Variants in AFG1L observed in about 807,000 individuals in gnomAD.
AFG1L encodes AFG1 like ATPase.
Under a neutral mutation model 62.2 loss-of-function variants are expected in AFG1L, and 53 were observed. That is an observed-to-expected ratio of 0.85 (90% CI 0.68 to 1.07). The LOEUF is 1.07. AFG1L is among the 50% of genes least tolerant of loss of function. The probability of loss-of-function intolerance (pLI) is 0.00; values close to 1 mark genes in which losing one functional copy is unlikely to be tolerated. For missense variants in AFG1L, 555 were observed against 590.5 expected, an observed-to-expected ratio of 0.94 and a Z score of 0.62; for synonymous variants, 228 against 210.3, an observed-to-expected ratio of 1.08 and a Z score of -0.73.
At chr6:108,333,869 A>G (rs1188589525) in intron 2 of AFG1L, among the ~76,000 whole-genome samples, 1 of 152,224 alleles carries the variant, frequency 6.6e-6, no homozygotes, top group Non-Finnish European at 1.5e-5. Flanking sequence ...ATGTCAACAT[A>G]GAAAGATTTG....
chr6:108,422,555 A>G (rs148253278), intron 7 of AFG1L, among the ~76,000 whole-genome samples: 20 of 148,610 alleles, frequency 1.3e-4, no homozygotes, highest in African/African-American at 4.5e-4. Context: ...TTGTTGGGGG[A>G]AGGAGGTGCT....
At chr6:108,342,489 A>G (rs968349116) in intron 2 of AFG1L, among the ~76,000 whole-genome samples, 1 of 152,202 alleles carries the variant, frequency 6.6e-6, no homozygotes, top group African/African-American at 2.4e-5. Flanking sequence ...AGGGACAGCC[A>G]TTTTGAAGAA....
At chr6:108,369,907 G>A (rs1043472985) in intron 6 of AFG1L, among the ~76,000 whole-genome samples, 1 of 151,942 alleles carries the variant, frequency 6.6e-6, no homozygotes, top group East Asian at 1.9e-4. Context: ...ACTGCACCCA[G>A]CCCCAGATTG....
chr6:108,442,961 G>A (rs985778842), intron 7 of AFG1L, among the ~76,000 whole-genome samples: 3 of 152,188 alleles, frequency 2.0e-5, no homozygotes, highest in Admixed American at 6.5e-5. Flanking sequence ...ACAGCCCTCA[G>A]CCCTTGCGTA....
intron 7 of AFG1L, among the ~76,000 whole-genome samples, chr6:108,433,342 C>G (rs929980019): frequency 1.3e-5 from 2 of 151,892 alleles, no homozygotes; most frequent in African/African-American, 4.8e-5. Flanking sequence ...TGCAGTGGCG[C>G]GACTTCAGCT....
intron 8 of AFG1L, among the ~76,000 whole-genome samples, chr6:108,475,269 C>A (rs1055842322): frequency 1.3e-5 from 2 of 152,160 alleles, no homozygotes; most frequent in Admixed American, 6.5e-5. Context: ...GGTACCAGTA[C>A]CAGGCTGTTT....
At chr6:108,461,619 C>T (rs1434382733) in intron 8 of AFG1L, among the ~76,000 whole-genome samples, 1 of 152,054 alleles carries the variant, frequency 6.6e-6, no homozygotes, top group Non-Finnish European at 1.5e-5. Context: ...CTATGCCTGG[C>T]TAATTTTTGT....
chr6:108,348,299 C>T (rs1347631974), intron 3 of AFG1L, among the ~76,000 whole-genome samples: 2 of 152,176 alleles, frequency 1.3e-5, no homozygotes, highest in Admixed American at 6.5e-5. Context: ...AGGATGGCCT[C>T]GATCTCCTGA....
chr6:108,314,046 C>A (rs1050772764), intron 1 of AFG1L, among the ~76,000 whole-genome samples: 1 of 151,924 alleles, frequency 6.6e-6, no homozygotes, highest in African/African-American at 2.4e-5. Context: ...CAGACCATGG[C>A]CAACATGACC....
chr6:108,429,066 C>G (rs1770950337), intron 7 of AFG1L, among the ~76,000 whole-genome samples: 1 of 152,120 alleles, frequency 6.6e-6, no homozygotes, highest in Non-Finnish European at 1.5e-5. Flanking sequence ...AGTTTTCAAA[C>G]CATCTTGAGT....
chr6:108,499,927 A>G (rs1447095884), intron 10 of AFG1L, among the ~76,000 whole-genome samples: 2 of 151,794 alleles, frequency 1.3e-5, no homozygotes, highest in Non-Finnish European at 2.9e-5. Context: ...CCAATAGGTA[A>G]TTTTTCTAAC....
chr6:108,393,911 T>G (rs879317185), intron 6 of AFG1L, among the ~76,000 whole-genome samples: 3 of 152,114 alleles, frequency 2.0e-5, no homozygotes, highest in African/African-American at 7.2e-5. Flanking sequence ...TACTGACATA[T>G]GTATACCTTC....
intron 7 of AFG1L, among the ~76,000 whole-genome samples, chr6:108,426,436 T>G (rs1194131876): frequency 1.3e-5 from 2 of 152,182 alleles, no homozygotes; most frequent in Non-Finnish European, 2.9e-5. Context: ...TTTGGTAGTA[T>G]AGTTATAAAA....
chr6:108,323,297 T>C (rs1777887228), intron 1 of AFG1L, among the ~76,000 whole-genome samples: 1 of 152,160 alleles, frequency 6.6e-6, no homozygotes, highest in Non-Finnish European at 1.5e-5. Context: ...GAGGTTACAA[T>C]TATAGTTTAT....
chr6:108,417,437 A>G (rs1770370180), intron 7 of AFG1L, among the ~76,000 whole-genome samples: 1 of 152,200 alleles, frequency 6.6e-6, no homozygotes, highest in Admixed American at 6.5e-5. Context: ...GTTACCAAGA[A>G]AAGTGGGAAA....
At chr6:108,377,886 T>G (rs903715952) in intron 6 of AFG1L, among the ~76,000 whole-genome samples, 1 of 151,936 alleles carries the variant, frequency 6.6e-6, no homozygotes, top group Admixed American at 6.6e-5. Context: ...GAAGTTTTCT[T>G]GAATTATTGC....
At chr6:108,420,766 AG>A (rs1770551330) in intron 7 of AFG1L, among the ~76,000 whole-genome samples, 1 of 152,104 alleles carries the variant, frequency 6.6e-6, no homozygotes, top group Admixed American at 6.6e-5. Flanking sequence ...ATATATTTGT[AG>A]TTATCTGGAA....
At position 108,497,433 on chromosome 6, in the gene AFG1L, G is replaced by A. The variant is rs1456627386; in HGVS notation, c.1063-12779G>A. ...CAAATTCTATATTCATTTTTTTTCT[G>A]TTGCAATGCTGTTACAATTTTAGTT... On this transcript the variant is annotated intron_variant, in intron 10 of 12. Coordinates refer to ENST00000368977, the MANE Select transcript of AFG1L (RefSeq NM_145315.5). 2.7e-5 allele frequency among the ~76,000 whole-genome samples: 4 copies of A among 150,068 alleles called. No individual in the cohort carries two copies. In the East Asian group the frequency reaches 7.9e-4, roughly 30 times the overall value.
chr6:108,488,269 A>G (rs1345773782), intron 10 of AFG1L, among the ~76,000 whole-genome samples: 1 of 152,188 alleles, frequency 6.6e-6, no homozygotes, highest in Non-Finnish European at 1.5e-5. Flanking sequence ...TGTGAGTAAG[A>G]GTCTCCACTT....
Sources: allele counts gnomAD v4.1 joint callset (sites outside exome capture counted in the v4.1 genomes callset), GRCh38; gene constraint gnomAD v4.1.1; transcripts MANE v1.5; gene names NCBI Gene and HGNC (gene_info 2026-07-23, HGNC 2026-07-21).